The following IL1RAPL1 variants were observed in gnomAD, a reference collection of about 807,000 sequenced individuals.
IL1RAPL1 encodes interleukin-1 receptor accessory protein-like 1.
IL1RAPL1 carries 3 observed loss-of-function variants against 48.4 expected under a neutral mutation model. That is an observed-to-expected ratio of 0.06 (90% CI 0.03 to 0.16). IL1RAPL1 has a LOEUF of 0.16. Ranked by LOEUF, IL1RAPL1 falls within the 10% of genes least tolerant of loss-of-function variation. The pLI is 1.00. For synonymous variants in IL1RAPL1, 185 were observed against 187.7 expected (o/e 0.99, Z 0.12); for missense variants, 349 against 530.6 (o/e 0.66, Z 3.36).
At chrX:29,165,543 A>C (rs947533069) in intron 2 of IL1RAPL1, among the ~76,000 whole-genome samples, 4 of 111,323 alleles carry the variant, frequency 3.6e-5, no homozygotes, top group African/African-American at 1.3e-4. Flanking sequence ...AAAATCACAG[A>C]TATGAGCAGA....
chrX:29,048,915 AT>A (rs1927033053), intron 2 of IL1RAPL1, among the ~76,000 whole-genome samples: 1 of 112,516 alleles, frequency 8.9e-6, no homozygotes, highest in Non-Finnish European at 1.9e-5. Context: ...GATTTCAGAG[AT>A]ATTAAAATGG....
At chrX:28,848,486 A>G (rs927994058) in intron 2 of IL1RAPL1, among the ~76,000 whole-genome samples, 45 of 110,643 alleles carry the variant, frequency 4.1e-4, no homozygotes, top group Non-Finnish European at 3.2e-4. Context: ...AGAGAAAGCA[A>G]TCAACAACTC....
At chrX:28,835,018 C>A (rs1387096420) in intron 2 of IL1RAPL1, among the ~76,000 whole-genome samples, 1 of 111,828 alleles carries the variant, frequency 8.9e-6, no homozygotes, top group Non-Finnish European at 1.9e-5. Flanking sequence ...GTCATTTCCT[C>A]TTCAGAGGAT....
At chrX:29,490,558 G>C (rs148807344) in intron 5 of IL1RAPL1, among the ~76,000 whole-genome samples, 46 of 111,131 alleles carry the variant, frequency 4.1e-4, no homozygotes, top group Non-Finnish European at 5.7e-4. Flanking sequence ...AAGATAATTT[G>C]ACAAAAATGG....
intron 1 of IL1RAPL1, among the ~76,000 whole-genome samples, chrX:28,714,863 A>G (rs1935484195): frequency 8.9e-6 from 1 of 112,074 alleles, no homozygotes; most frequent in Non-Finnish European, 1.9e-5. Context: ...TTATACCTAC[A>G]TACTGGCCAG....
At chrX:28,804,701 A>C (rs1481477793) in intron 2 of IL1RAPL1, among the ~76,000 whole-genome samples, 2 of 110,993 alleles carry the variant, frequency 1.8e-5, no homozygotes, top group Non-Finnish European at 3.8e-5. Context: ...CATTGGGCCC[A>C]CCACTTTAAT....
At chrX:29,900,313 AAACT>A (rs1197593717) in intron 6 of IL1RAPL1, among the ~76,000 whole-genome samples, 2 of 112,501 alleles carry the variant, frequency 1.8e-5, no homozygotes, top group Non-Finnish European at 3.7e-5. Flanking sequence ...TTAGCTTTGA[AAACT>A]AATAAATCTA....
At chrX:29,769,610 A>ATTTTTTTTTTT (rs146650137) in intron 6 of IL1RAPL1, among the ~76,000 whole-genome samples, 2 of 43,056 alleles carry the variant, frequency 4.6e-5, no homozygotes, top group Non-Finnish European at 7.7e-5. Flanking sequence ...TGCCTGGCTA[A>ATTTTTTTTTTT]TTTTTTTTTT....
chrX:29,771,415 T>C (rs1484734266), intron 6 of IL1RAPL1, among the ~76,000 whole-genome samples: 1 of 112,223 alleles, frequency 8.9e-6, no homozygotes, highest in Non-Finnish European at 1.9e-5. Context: ...GCACGTGAAA[T>C]CAGTAGATAG....
chrX:28,720,641 T>G (rs1392193465), intron 1 of IL1RAPL1, among the ~76,000 whole-genome samples: 5 of 112,173 alleles, frequency 4.5e-5, no homozygotes, highest in Non-Finnish European at 9.4e-5. Flanking sequence ...AGGGTACATA[T>G]GCACAACGTG....
At chrX:29,208,735 TAAA>T (rs1569260238) in intron 2 of IL1RAPL1, among the ~76,000 whole-genome samples, 69 of 81,717 alleles carry the variant, frequency 8.4e-4, no homozygotes, top group African/African-American at 3.2e-3. Flanking sequence ...ATAATAATAA[TAAA>T]TAAATAAATA....
At chrX:29,121,826 G>A (rs1360621275) in intron 2 of IL1RAPL1, among the ~76,000 whole-genome samples, 2 of 111,657 alleles carry the variant, frequency 1.8e-5, no homozygotes, top group African/African-American at 3.3e-5. Flanking sequence ...GAACATTTTC[G>A]CAAAGGGCTT....
At chrX:29,145,287 G>A (rs182921358) in intron 2 of IL1RAPL1, among the ~76,000 whole-genome samples, 1 of 111,382 alleles carries the variant, frequency 9.0e-6, no homozygotes, top group African/African-American at 3.3e-5. Context: ...TGGATGATTG[G>A]GTGTAAAAGA....
At chrX:29,433,227 G>A (rs1054079180) in intron 5 of IL1RAPL1, among the ~76,000 whole-genome samples, 2 of 110,200 alleles carry the variant, frequency 1.8e-5, no homozygotes, top group African/African-American at 3.3e-5. Context: ...TTAAAATCCC[G>A]TACCACAGAG....
chrX:29,344,591 C>T (rs1398662115), intron 3 of IL1RAPL1, among the ~76,000 whole-genome samples: 2 of 111,841 alleles, frequency 1.8e-5, no homozygotes, highest in African/African-American at 6.5e-5. Context: ...TTGGCCATTA[C>T]TCACTCTACT....
At chrX:28,751,150 T>G (rs1186523255) in intron 1 of IL1RAPL1, among the ~76,000 whole-genome samples, 2 of 111,858 alleles carry the variant, frequency 1.8e-5, no homozygotes, top group Admixed American at 1.9e-4. Flanking sequence ...TTGTAGTATG[T>G]TTTATTCTCC....
At chrX:28,959,537 A>G (rs1005758982) in intron 2 of IL1RAPL1, among the ~76,000 whole-genome samples, 2 of 111,987 alleles carry the variant, frequency 1.8e-5, no homozygotes, top group African/African-American at 6.5e-5. Flanking sequence ...TGTAATTATA[A>G]TTCCAAATTA....
At chrX:29,758,013 C>G (rs2147144007) in intron 6 of IL1RAPL1, among the ~76,000 whole-genome samples, 1 of 111,603 alleles carries the variant, frequency 9.0e-6, no homozygotes, top group Non-Finnish European at 1.9e-5. Flanking sequence ...ATAAATAAAA[C>G]AAATGGAGAA....
At chrX:29,716,200 A>C (rs1333433508) in intron 6 of IL1RAPL1, among the ~76,000 whole-genome samples, 1 of 111,423 alleles carries the variant, frequency 9.0e-6, no homozygotes, top group Non-Finnish European at 1.9e-5. Context: ...TGTCCCTTCA[A>C]ATTTGTCCAG....
Sources: allele counts gnomAD v4.1 joint callset (sites outside exome capture counted in the v4.1 genomes callset), GRCh38; gene constraint gnomAD v4.1.1; transcripts MANE v1.5; gene names NCBI Gene and HGNC (gene_info 2026-07-23, HGNC 2026-07-21).